DTX1: variants seen among roughly 807,000 people sequenced by gnomAD.
DTX1 encodes E3 ubiquitin-protein ligase DTX1.
DTX1 carries 26 observed loss-of-function variants against 57.8 expected under a neutral mutation model. That is an observed-to-expected ratio of 0.45 (90% CI 0.33 to 0.62). The LOEUF is 0.62. Among genes scored for constraint, DTX1 ranks in the 20% least tolerant of loss-of-function variants. The probability of loss-of-function intolerance (pLI) is 0.02; values close to 1 mark genes in which losing one functional copy is unlikely to be tolerated. For synonymous variants in DTX1, 398 were observed against 394.1 expected, an observed-to-expected ratio of 1.01 and a Z score of -0.12; for missense variants, 704 against 895.3, an observed-to-expected ratio of 0.79 and a Z score of 2.73.
intron 3 of DTX1, among the ~76,000 whole-genome samples, chr12:113,089,364 G>C (rs1314063256): frequency 6.6e-6 from 1 of 152,200 alleles, no homozygotes; most frequent in Non-Finnish European, 1.5e-5. Flanking sequence ...TTGGGACTGG[G>C]AAAGGCAGAG....
At position 113,077,663 on chromosome 12, in the gene DTX1, C is replaced by T. The variant is rs761249409; in HGVS notation, c.499C>T (p.Arg167Cys). The part of the protein sequence containing the change: ...SQMNRQTRRR[R>C]RLRRRLDLAY... ...GATGAACCGCCAGACGCGCCGGCGC[C>T]GCCGCCTGCGCCGCCGCCTGGACCT... Residue 167 changes from arginine to cysteine, a missense_variant, in exon 3 of 10, where the codon CGC (arginine) becomes TGC (cysteine). By Grantham distance (180) the Arg-to-Cys change is radical. This residue lies in a region of DTX1 where 237 missense variants were observed against 328.6 expected (regional missense o/e 0.72). Coordinates refer to ENST00000548759, the MANE Select transcript of DTX1 (RefSeq NM_004416.3). This position sits in a 1 kb window ranked among gnomAD's most constrained non-coding sequence, Gnocchi z 7.8. 1.7e-5 allele frequency: 26 copies of T among 1,571,050 alleles called. No homozygotes were observed. Among genetic ancestry groups the T allele is most frequent in the Non-Finnish European group, 2.1e-5 (24 of 1,162,854 alleles).
intron 2 of DTX1, among the ~76,000 whole-genome samples, chr12:113,073,447 A>C (rs1010425260): frequency 6.6e-6 from 1 of 152,224 alleles, no homozygotes. Context: ...CCAGAGATGC[A>C]GGGGAAGTTT....
At chr12:113,092,388 A>G (rs1157174929) in intron 3 of DTX1, among the ~76,000 whole-genome samples, 1 of 151,700 alleles carries the variant, frequency 6.6e-6, no homozygotes, top group Non-Finnish European at 1.5e-5. Context: ...AAGAGATGAG[A>G]TGATGTGCTG....
rs73205282 is a variant in DTX1, at chr12:113,077,061, C to G, written c.260-363C>G. ...CTCCACACCTTGCTGGTTTCCTACC[C>G]CAGGCTATCTTGGCACCCCCACCCT... On this transcript the variant is annotated intron_variant, in intron 2 of 9. Transcript: ENST00000548759. This position sits in a 1 kb window ranked among gnomAD's most constrained non-coding sequence, Gnocchi z 7.8. 0.067 allele frequency among the ~76,000 whole-genome samples: 10,261 copies of G among 152,108 alleles called. 423 individuals carry two copies. Among genetic ancestry groups the G allele is most frequent in the African/African-American group, 0.1 (4,277 of 41,482 alleles).
chr12:113,068,232 C>T (rs1325109760), intron 2 of DTX1, among the ~76,000 whole-genome samples: 2 of 152,204 alleles, frequency 1.3e-5, no homozygotes, highest in Non-Finnish European at 2.9e-5. Flanking sequence ...GGACCTACCT[C>T]CCTGCACTCC....
intron 2 of DTX1, among the ~76,000 whole-genome samples, chr12:113,065,854 G>A (rs1021515629): frequency 6.6e-6 from 1 of 152,128 alleles, no homozygotes; most frequent in African/African-American, 2.4e-5. Flanking sequence ...GGCTCCAAGT[G>A]CCCATTCAGG....
In DTX1 at chr12:113,077,803, C is replaced by G; in HGVS notation, c.639C>G (p.Ala213=). The G allele has an allele frequency of 6.7e-7, 1 of 1,486,234 alleles. No homozygotes were observed. The highest frequency in any genetic ancestry group is 8.9e-7 in the Non-Finnish European group (1 of 1,127,738). The allele number at this position is 1,486,234 out of a possible 1,614,324, so 92.1% of individuals were successfully genotyped here. A position where few individuals can be genotyped will look rare whatever the true frequency, so the allele number is the denominator to read the frequency against. Residue 213 remains alanine (A), a synonymous_variant, in exon 3 of 10, where the codon GCC becomes GCG. Coordinates refer to ENST00000548759, the MANE Select transcript of DTX1 (RefSeq NM_004416.3). This position sits in a 1 kb window ranked among gnomAD's most constrained non-coding sequence, Gnocchi z 7.8. ...QQCLLVNSTR[A]ASNAILASQR... ...GCCTGCTGGTCAACAGCACGCGCGCCGCCTCCAACGCCATCCTGGCCTCGC... is the reference window on the plus strand; with the variant it reads ...GCCTGCTGGTCAACAGCACGCGCGCGGCCTCCAACGCCATCCTGGCCTCGC...
At chr12:113,075,466 C>T (rs1256789169) in intron 2 of DTX1, among the ~76,000 whole-genome samples, 1 of 152,258 alleles carries the variant, frequency 6.6e-6, no homozygotes, top group Non-Finnish European at 1.5e-5. Flanking sequence ...TGCAGCCTTT[C>T]TGCAGGTGTG....
At chr12:113,061,016 A>G (rs761430189) in intron 2 of DTX1, among the ~76,000 whole-genome samples, 1 of 152,206 alleles carries the variant, frequency 6.6e-6, no homozygotes, top group East Asian at 1.9e-4. Flanking sequence ...CCCCATTTCT[A>G]TTCCCAGCAT....
chr12:113,093,290 G>T lies in DTX1; in HGVS notation c.1003+67G>T. On this transcript the variant is annotated intron_variant, in intron 4 of 9. Transcript: ENST00000548759. The surrounding 1 kb of genome is among the most constrained non-coding windows in gnomAD (Gnocchi z 4.2). ...TAGGAGGCAGCTCCGCCTGTCACCC[G>T]GTGACCCCGCCCCCGAGATGGGCTG... 6.6e-7 allele frequency: 1 copy of T among 1,513,940 alleles called. No individual in the cohort carries two copies. Among genetic ancestry groups the T allele is most frequent in the South Asian group, 1.2e-5 (1 of 82,518 alleles). 93.8% of individuals were successfully genotyped at this position (1,513,940 alleles called of 1,614,324 possible). A position where few individuals can be genotyped will look rare whatever the true frequency, so the allele number is the denominator to read the frequency against.
chr12:113,093,412 T>C lies in DTX1; in HGVS notation c.1004-127T>C. 1 of 1,373,030 alleles carries C rather than the reference T, an allele frequency of 7.3e-7. No individual in the cohort carries two copies. Among genetic ancestry groups the C allele is most frequent in the South Asian group, 1.5e-5 (1 of 65,616 alleles). The allele number at this position is 1,373,030 out of a possible 1,614,324, so 85.1% of individuals were successfully genotyped here. A position where few individuals can be genotyped will look rare whatever the true frequency, so the allele number is the denominator to read the frequency against. On this transcript the variant is annotated intron_variant, in intron 4 of 9. Coordinates refer to ENST00000548759, the MANE Select transcript of DTX1 (RefSeq NM_004416.3). This position sits in a 1 kb window ranked among gnomAD's most constrained non-coding sequence, Gnocchi z 4.2. Reference sequence around the variant, plus strand: ...GGCCCTTCAGGGGCCTTCAAGGGGCTGAGTGGGTGGGGCCCAAGAGCGCAA... The same window carrying C: ...GGCCCTTCAGGGGCCTTCAAGGGGCCGAGTGGGTGGGGCCCAAGAGCGCAA...
At chr12:113,076,054 C>T (rs768539647) in intron 2 of DTX1, among the ~76,000 whole-genome samples, 5 of 147,952 alleles carry the variant, frequency 3.4e-5, no homozygotes, top group South Asian at 2.2e-4. Flanking sequence ...GGGGAAAGTA[C>T]GTGGGGGGTG....
chr12:113,094,759 G>T, intron 6 of DTX1, 30 bp from the exon 7 acceptor site: 1 of 1,604,526 alleles, frequency 6.2e-7, no homozygotes, highest in Non-Finnish European at 8.5e-7. Flanking sequence ...GCCCTCCCCA[G>T]TCCTCAGTCT....
In DTX1 at chr12:113,097,292, C is replaced by A. The variant is rs1464386440; in HGVS notation, c.*353C>A. ...GCTGGAAGAGAAGAGACAGAAAGACCCCATGACCCCCCCATGTGGATCCCC... is the reference window on the plus strand; with the variant it reads ...GCTGGAAGAGAAGAGACAGAAAGACACCATGACCCCCCCATGTGGATCCCC... On this transcript the variant is annotated 3_prime_UTR_variant, in exon 10 of 10. Transcript: ENST00000548759. The A allele has an allele frequency of 4.1e-6, 1 of 246,898 alleles. No individual in the cohort carries two copies. Among genetic ancestry groups the A allele is most frequent in the East Asian group, 1.0e-4 (1 of 9,590 alleles). 15.3% of individuals were successfully genotyped at this position (246,898 alleles called of 1,614,324 possible). A position where few individuals can be genotyped will look rare whatever the true frequency, so the allele number is the denominator to read the frequency against.
At chr12:113,072,572 C>G (rs2044743722) in intron 2 of DTX1, among the ~76,000 whole-genome samples, 1 of 151,984 alleles carries the variant, frequency 6.6e-6, no homozygotes, top group Non-Finnish European at 1.5e-5. Context: ...TTTGCCTATA[C>G]GTTATCTCAT....
chr12:113,081,224 T>C (rs538175107), intron 3 of DTX1, among the ~76,000 whole-genome samples: 18 of 152,126 alleles, frequency 1.2e-4, no homozygotes, highest in African/African-American at 3.6e-4. Flanking sequence ...ACACCTGTAA[T>C]CCCAGCTACT....
rs759329934 is a variant in DTX1, at chr12:113,093,207, C to T, written c.987C>T (p.Val329=). ...PVKNLNGTGP[V]HPALAGMTGI... is the part of the protein sequence containing the mutation. ...AGAACTTGAATGGTACTGGGCCGGT[C>T]CATCCGGCCCTGGCAGGTGAGGTCT... Residue 329 remains valine (V), a synonymous_variant, in exon 4 of 10, where the codon GTC becomes GTT. Transcript: ENST00000548759. The surrounding 1 kb of genome is among the most constrained non-coding windows in gnomAD (Gnocchi z 4.2). The T allele has an allele frequency of 6.3e-7, 1 of 1,596,038 alleles. No individual in the cohort carries two copies. Among genetic ancestry groups the T allele is most frequent in the Admixed American group, 1.7e-5 (1 of 57,672 alleles).
At chr12:113,079,359 C>A (rs1361695225) in intron 3 of DTX1, among the ~76,000 whole-genome samples, 1 of 152,012 alleles carries the variant, frequency 6.6e-6, no homozygotes, top group Non-Finnish European at 1.5e-5. Context: ...CTGGATGCGA[C>A]CTTTGGGGTC....
intron 2 of DTX1, 57 bp downstream of exon 2, chr12:113,058,508 C>G (rs1732785): frequency 6.5e-7 from 1 of 1,542,360 alleles, no homozygotes; most frequent in African/African-American, 1.4e-5. Flanking sequence ...TACCTTGCAG[C>G]GTAGGATGCT....
Sources: gnomAD v4.1 joint callset for allele counts (sites outside exome capture counted in the v4.1 genomes callset) on GRCh38, gnomAD v4.1.1 for gene constraint, gnomAD v4.1.1 regional missense constraint, Gnocchi (gnomAD v3.1) non-coding constraint, MANE v1.5 for transcripts, NCBI Gene and HGNC (gene_info 2026-07-23, HGNC 2026-07-21) for gene names.